Variants in TCAIM observed in about 807,000 individuals in gnomAD.
TCAIM encodes the protein T-cell activation inhibitor, mitochondrial.
In TCAIM, 36 loss-of-function variants were observed where a neutral mutation model predicts 58.6. The ratio of observed to expected loss-of-function variants is 0.61; its 90% confidence interval spans 0.47 to 0.81. The LOEUF is 0.81. Among genes scored for constraint, TCAIM ranks in the 30% least tolerant of loss-of-function variants. TCAIM has a pLI of 0.00. For missense variants in TCAIM, 466 were observed against 579.6 expected (o/e 0.80, Z 2.01); for synonymous variants, 172 against 193.6 (o/e 0.89, Z 0.93).
At chr3:44,373,510 C>T (rs563695953) in intron 5 of TCAIM, among the ~76,000 whole-genome samples, 2 of 149,988 alleles carry the variant, frequency 1.3e-5, no homozygotes, top group East Asian at 3.9e-4. Context: ...AAAAAATAGC[C>T]AGGCGTGATG....
At chr3:44,376,498 T>C (rs184656182) in intron 5 of TCAIM, among the ~76,000 whole-genome samples, 1 of 152,170 alleles carries the variant, frequency 6.6e-6, no homozygotes, top group African/African-American at 2.4e-5. Flanking sequence ...AAATTCAAAT[T>C]AGGGTGTTAT....
intron 4 of TCAIM, among the ~76,000 whole-genome samples, chr3:44,364,209 G>A (rs1257580493): frequency 2.7e-5 from 4 of 150,560 alleles, no homozygotes; most frequent in Non-Finnish European, 4.4e-5. Flanking sequence ...TTACAGGCAT[G>A]AGCCACCGCA....
At chr3:44,381,731 C>G (rs1701658285) in intron 5 of TCAIM, among the ~76,000 whole-genome samples, 1 of 152,134 alleles carries the variant, frequency 6.6e-6, no homozygotes, top group African/African-American at 2.4e-5. Context: ...ACATAGAAAA[C>G]TCTGCAGATT....
rs200820859 is a variant in TCAIM, at chr3:44,346,535, G to C, written c.-45+7701G>C. ...GGAGAGGGCCTGAACAATCCCTGAGGAGTAGTAGAATAGCAGATGGAACAC... is the reference window on the plus strand; with the variant it reads ...GGAGAGGGCCTGAACAATCCCTGAGCAGTAGTAGAATAGCAGATGGAACAC... On this transcript the variant is annotated intron_variant, in intron 1 of 10. Transcript: ENST00000342649. Among the ~76,000 whole-genome samples, 5 of 152,184 alleles carry C rather than the reference G, an allele frequency of 3.3e-5. No homozygotes were observed. The East Asian group carries it at 7.7e-4, about 23-fold the overall frequency.
At chr3:44,377,890 A>G (rs180931851) in intron 5 of TCAIM, among the ~76,000 whole-genome samples, 58 of 152,342 alleles carry the variant, frequency 3.8e-4, no homozygotes, top group African/African-American at 1.4e-3. Flanking sequence ...GCTGGCAAAG[A>G]TTTCATGATG....
At chr3:44,338,511 C>G (rs1200674234), upstream of TCAIM, 1 of 152,544 alleles carries the variant, frequency 6.6e-6, no homozygotes, top group African/African-American at 2.4e-5. Context: ...TCCCCCTGCC[C>G]GGGCTTGCCT....
chr3:44,366,647 T>G (rs1053929295), intron 4 of TCAIM, among the ~76,000 whole-genome samples: 3 of 151,478 alleles, frequency 2.0e-5, no homozygotes, highest in African/African-American at 7.3e-5. Flanking sequence ...TTTGTATTTT[T>G]AGTAGAGACG....
chr3:44,383,885 G>A (rs1288178799), intron 5 of TCAIM, among the ~76,000 whole-genome samples: 6 of 150,376 alleles, frequency 4.0e-5, no homozygotes, highest in Non-Finnish European at 8.9e-5. Flanking sequence ...ACTGCACTCT[G>A]ACCTGGGCAA....
chr3:44,343,078 A>C (rs1350818884), intron 1 of TCAIM, among the ~76,000 whole-genome samples: 1 of 152,018 alleles, frequency 6.6e-6, no homozygotes, highest in East Asian at 1.9e-4. Flanking sequence ...CAGAGGTCGC[A>C]GTGAGCCGAG....
upstream of TCAIM, chr3:44,338,404 C>T: frequency 6.6e-6 from 1 of 152,468 alleles, no homozygotes; most frequent in Non-Finnish European, 1.5e-5. Flanking sequence ...AGAGGCAGGG[C>T]ACCGCGGAAG....
chr3:44,372,121 G>A (rs1489314321), intron 5 of TCAIM, among the ~76,000 whole-genome samples: 3 of 152,144 alleles, frequency 2.0e-5, no homozygotes, highest in South Asian at 2.1e-4. Context: ...AGGGAAGGCC[G>A]ACTGTTGGTA....
intron 5 of TCAIM, among the ~76,000 whole-genome samples, chr3:44,375,809 T>C (rs1368256358): frequency 6.6e-6 from 1 of 152,230 alleles, no homozygotes; most frequent in Non-Finnish European, 1.5e-5. Flanking sequence ...AACAGAGTTA[T>C]GTGACCCAAG....
intron 6 of TCAIM, among the ~76,000 whole-genome samples, chr3:44,395,879 C>T (rs1278368480): frequency 1.3e-5 from 2 of 152,218 alleles, no homozygotes; most frequent in African/African-American, 2.4e-5. Context: ...CCCAGCTACT[C>T]GTGAGGCTGA....
Position 44,367,454 on chromosome 3 carries a change from A to T in TCAIM, c.320-2A>T. ...ATTGTTTGGGGGAATTATATTCTCT[A>T]GGATTTCGAGCAGTCAAATTTACTT... On this transcript the variant is annotated splice_acceptor_variant, in intron 4 of 10. Transcript: ENST00000342649. LOFTEE classifies it high-confidence loss of function. The T allele has an allele frequency of 6.2e-7, 1 of 1,604,202 alleles. No homozygotes were observed. The highest frequency in any genetic ancestry group is 8.5e-7 in the Non-Finnish European group (1 of 1,173,118).
chr3:44,353,518 C>A (rs1017809298), intron 1 of TCAIM, among the ~76,000 whole-genome samples: 45 of 152,320 alleles, frequency 3.0e-4, no homozygotes, highest in African/African-American at 1.1e-3. Context: ...TCCAAAGTGG[C>A]TGCACCTGTT....
chr3:44,402,126 C>A (rs1205804626), intron 10 of TCAIM, among the ~76,000 whole-genome samples: 3 of 151,952 alleles, frequency 2.0e-5, no homozygotes, highest in African/African-American at 7.3e-5. Flanking sequence ...CATTTTAGGC[C>A]GTGCACAGTG....
chr3:44,373,216 G>A lies in TCAIM; in HGVS notation c.572+5508G>A, dbSNP rs569234500. Among the ~76,000 whole-genome samples, 82 of 152,008 alleles carry A rather than the reference G, an allele frequency of 5.4e-4. 2 individuals are homozygous for A. Among genetic ancestry groups the A allele is most frequent in the Non-Finnish European group, 1.1e-3 (77 of 67,972 alleles). On this transcript the variant is annotated intron_variant, in intron 5 of 10. Transcript: ENST00000342649. ...AAACACAAAATGGGAGATTTATCAG[G>A]TCATAAAAACTCTATTTAACCCACT...
At chr3:44,359,501 A>G (rs1575247064) in intron 3 of TCAIM, 1 of 152,384 alleles carries the variant, frequency 6.6e-6, no homozygotes, top group East Asian at 1.9e-4. Context: ...GACCTTGGGT[A>G]TTTGGGGAGC....
chr3:44,407,408 TC>T lies in TCAIM; in HGVS notation c.1251-33del. 3 of 1,336,966 alleles carry T rather than the reference TC, an allele frequency of 2.2e-6. No individual in the cohort carries two copies. The South Asian group carries it at 4.2e-5, about 19-fold the overall frequency. The allele number at this position is 1,336,966 out of a possible 1,614,324, so 82.8% of individuals were successfully genotyped here. On this transcript the variant is annotated intron_variant, in intron 10 of 10. Coordinates refer to ENST00000342649, the MANE Select transcript of TCAIM (RefSeq NM_173826.4). ...TTTGTTTGGTTATGACAATATTTGT[TC>T]TTATGACAATATTTTTATTTTCTAT...
Sources: gnomAD v4.1 joint callset for allele counts (sites outside exome capture counted in the v4.1 genomes callset) on GRCh38, gnomAD v4.1.1 for gene constraint, MANE v1.5 for transcripts, NCBI Gene and HGNC (gene_info 2026-07-23, HGNC 2026-07-21) for gene names.